CIC: variants seen among roughly 807,000 people sequenced by gnomAD.
The protein encoded by CIC is capicua transcriptional repressor.
In CIC, 18 loss-of-function variants were observed where a neutral mutation model predicts 115.7. That is an observed-to-expected ratio of 0.16 (90% CI 0.11 to 0.23). The LOEUF is 0.23. Among genes scored for constraint, CIC ranks in the 10% least tolerant of loss-of-function variants. CIC has a pLI of 1.00. For missense variants in CIC, 2,000 were observed against 2,159.3 expected (o/e 0.93, Z 1.46); for synonymous variants, 1,076 against 923.0 (o/e 1.17, Z -3.01).
intron 1 of CIC, among the ~76,000 whole-genome samples, chr19:42,269,890 A>G (rs1344231840): frequency 6.6e-6 from 1 of 152,024 alleles, no homozygotes. Flanking sequence ...TGAGACCCCA[A>G]AGAGCCAGGG....
At chr19:42,275,660 T>C (rs989985507) in intron 2 of CIC, among the ~76,000 whole-genome samples, 6 of 152,140 alleles carry the variant, frequency 3.9e-5, no homozygotes, top group Non-Finnish European at 7.3e-5. Flanking sequence ...ATTTCTTTCT[T>C]ATTTGTTTAT....
In CIC at chr19:42,273,840, C is replaced by T. The variant is rs2036869311; in HGVS notation, c.2057C>T (p.Ala686Val). 1.0e-5 allele frequency: 4 copies of T among 398,764 alleles called. No individual in the cohort carries two copies. The highest frequency in any genetic ancestry group is 1.8e-5 in the Non-Finnish European group (4 of 226,272). The allele number at this position is 398,764 out of a possible 1,614,324, so 24.7% of individuals were successfully genotyped here. The stretch of plus-strand genomic sequence containing the variant: ...CTGGGCCCCCACCCACCGCCACCTG[C>T]CCCCCGAGAGCGCCACTCCTCTGGA... Reference protein sequence around the residue: ...PDLGPHPPPPAPRERHSSGIL... With the variant: ...PDLGPHPPPPVPRERHSSGIL... The change falls in exon 2 of 21, where the codon GCC (alanine) becomes GTC (valine). Residue 686 changes from alanine (A) to valine (V), a missense_variant. Ala to Val is a moderately conservative substitution (Grantham distance 64). Around this residue, in one of 8 missense-constraint regions of CIC, gnomAD observed 222 missense variants for 247.7 expected, o/e 0.90. Transcript: ENST00000681038.
Position 42,293,000 on chromosome 19 carries a change from C to G in CIC, c.6241C>G (p.Pro2081Ala). 6.2e-7 allele frequency: 1 copy of G among 1,613,612 alleles called. No individual in the cohort carries two copies. Among genetic ancestry groups the G allele is most frequent in the Non-Finnish European group, 8.5e-7 (1 of 1,180,004 alleles). The change falls in exon 16 of 21, where the codon CCC becomes GCC. Residue 2081 changes from proline (P) to alanine (A), a missense_variant. Coordinates refer to ENST00000681038, the MANE Select transcript of CIC (RefSeq NM_001386298.1). ...YSLVAPKAQR[P>A]SPKAPQKVKA... ...CTTAGTGGCCCCCAAGGCCCAGCGG[C>G]CCAGCCCGAAGGCCCCCCAGAAAGT...
chr19:42,281,152 G>A (rs2037227684), intron 2 of CIC, among the ~76,000 whole-genome samples: 1 of 151,958 alleles, frequency 6.6e-6, no homozygotes, highest in South Asian at 2.1e-4. Context: ...GGGTGGGTGT[G>A]TATGTGGAAA....
Position 42,272,750 on chromosome 19 carries a change from C to T in CIC, c.967C>T (p.Arg323Cys), listed in dbSNP as rs1039761298. 6 of 398,752 alleles carry T rather than the reference C, an allele frequency of 1.5e-5. No individual in the cohort carries two copies. Among genetic ancestry groups the T allele is most frequent in the South Asian group, 2.5e-4 (2 of 7,872 alleles). The allele number at this position is 398,752 out of a possible 1,614,324, so 24.7% of individuals were successfully genotyped here. The change falls in exon 2 of 21, where the codon CGT becomes TGT. Residue 323 changes from arginine (R) to cysteine (C), a missense_variant. Coordinates refer to ENST00000681038, the MANE Select transcript of CIC (RefSeq NM_001386298.1). ...CCCGCAGCCCCCACAGCCACTGCAC[C>T]GTGAGCCAGAGGAGGCTGTGTGGGT... ...SLPQPPQPLHREPEEAVWVAR... is the reference protein window; with the variant it reads ...SLPQPPQPLHCEPEEAVWVAR...
chr19:42,283,691 C>T (rs2037373900), intron 2 of CIC, among the ~76,000 whole-genome samples: 2 of 152,004 alleles, frequency 1.3e-5, no homozygotes, highest in Non-Finnish European at 1.5e-5. Context: ...TGAGCGTGTT[C>T]CTCGCGCGGA....
Position 42,294,661 on chromosome 19 carries a change from C to T in CIC, c.7112C>T (p.Ser2371Phe). 3.1e-6 allele frequency: 5 copies of T among 1,613,806 alleles called. No homozygotes were observed. The highest frequency in any genetic ancestry group is 4.2e-6 in the Non-Finnish European group (5 of 1,180,002). ...ELEYDKVPYS[S>F]LRRTLDQRRA... is the part of the protein sequence containing the mutation. Reference sequence around the variant, plus strand: ...GAGTATGACAAGGTGCCATACTCCTCCCTGCGGCGCACCCTGGACCAGCGC... The same window carrying T: ...GAGTATGACAAGGTGCCATACTCCTTCCTGCGGCGCACCCTGGACCAGCGC... Residue 2371 changes from serine (S) to phenylalanine (F), a missense_variant, in exon 20 of 21, where the codon TCC (serine) becomes TTC (phenylalanine). Around this residue, in one of 8 missense-constraint regions of CIC, gnomAD observed 99 missense variants for 217.6 expected, o/e 0.45. Transcript: ENST00000681038.
intron 2 of CIC, among the ~76,000 whole-genome samples, chr19:42,277,109 T>A (rs1417826088): frequency 6.6e-6 from 1 of 152,220 alleles, no homozygotes; most frequent in Non-Finnish European, 1.5e-5. Context: ...CTGCTGAGCC[T>A]TTACTCCCTG....
At position 42,290,738 on chromosome 19, in the gene CIC, A is replaced by T. The variant is rs147311555; in HGVS notation, c.4697A>T (p.Tyr1566Phe). The T allele has an allele frequency of 6.2e-7, 1 of 1,612,492 alleles. No individual in the cohort carries two copies. Among genetic ancestry groups the T allele is most frequent in the South Asian group, 1.1e-5 (1 of 91,054 alleles). ...VPSAPAPSLAYGAPAAPLSRP... is the reference protein window; with the variant it reads ...VPSAPAPSLAFGAPAAPLSRP... ...TCCGCCCCCGCCCCATCACTGGCCT[A>T]TGGGGCCCCAGCAGCTCCCCTGTCC... The change falls in exon 11 of 21, where the codon TAT (tyrosine) becomes TTT (phenylalanine). Residue 1566 changes from tyrosine to phenylalanine, a missense_variant. Tyr to Phe is a conservative substitution (Grantham distance 22). This residue lies in a region of CIC where 1,466 missense variants were observed against 1,390.4 expected (regional missense o/e 1.05). Transcript: ENST00000681038.
rs751811567 is a variant in CIC at position 42,289,111 on chromosome 19, A to G, written c.3861+21A>G. 1.1e-5 allele frequency: 17 copies of G among 1,613,218 alleles called. No individual in the cohort carries two copies. The East Asian group carries it at 3.8e-4, about 36-fold the overall frequency. On this transcript the variant is annotated intron_variant, in intron 8 of 20. Transcript: ENST00000681038. Reference sequence around the variant, plus strand: ...CGCAGGTCTAGGGTGCAGGCCCCCTAGTGGGGGTGGGCAGGGAACCTGTCC... The same window carrying G: ...CGCAGGTCTAGGGTGCAGGCCCCCTGGTGGGGGTGGGCAGGGAACCTGTCC...
chr19:42,293,148 C>T lies in CIC; in HGVS notation c.6389C>T (p.Ser2130Phe). The T allele has an allele frequency of 6.2e-7, 1 of 1,607,354 alleles. No homozygotes were observed. Reference sequence around the variant, plus strand: ...GTCCGAGAGCCAACTGCCCCAGAGTCTGAGCTTGAGGGGCAGCCCACACCA... The same window carrying T: ...GTCCGAGAGCCAACTGCCCCAGAGTTTGAGCTTGAGGGGCAGCCCACACCA... ...GPVREPTAPE[S>F]ELEGQPTPPA... The change falls in exon 16 of 21, where the codon TCT becomes TTT. Residue 2130 changes from serine (S) to phenylalanine (F), a missense_variant. Ser to Phe is a radical substitution (Grantham distance 155, BLOSUM62 -2). Transcript: ENST00000681038.
intron 2 of CIC, among the ~76,000 whole-genome samples, chr19:42,277,334 A>C (rs1453322752): frequency 6.6e-6 from 1 of 152,094 alleles, no homozygotes; most frequent in Admixed American, 6.5e-5. Flanking sequence ...GGTTCAAGCG[A>C]TTCTCCCGCC....
At position 42,291,741 on chromosome 19, in the gene CIC, G is replaced by C. The variant is rs1379214643; in HGVS notation, c.5609G>C (p.Ser1870Thr). Reference protein sequence around the residue: ...VPVQNGAQPPSKIIQLTPVPV... With the variant: ...VPVQNGAQPPTKIIQLTPVPV... ...GTGCAGAATGGTGCCCAGCCCCCCA[G>C]CAAGGTGAGGGCCTGCCTTTCTCTC... Residue 1870 changes from serine (S) to threonine (T), a missense_variant, in exon 12 of 21, where the codon AGC becomes ACC. Around this residue, in one of 8 missense-constraint regions of CIC, gnomAD observed 1,466 missense variants for 1,390.4 expected, o/e 1.05. Transcript: ENST00000681038. The C allele has an allele frequency of 6.2e-7, 1 of 1,612,998 alleles. No homozygotes were observed. Among genetic ancestry groups the C allele is most frequent in the Middle Eastern group, 1.6e-4 (1 of 6,062 alleles).
chr19:42,281,504 G>T (rs1481783565), intron 2 of CIC, among the ~76,000 whole-genome samples: 1 of 152,198 alleles, frequency 6.6e-6, no homozygotes, highest in East Asian at 1.9e-4. Context: ...GTTGGTGCAG[G>T]GGGTGGCTGC....
intron 2 of CIC, among the ~76,000 whole-genome samples, chr19:42,278,226 G>T (rs1387967505): frequency 6.6e-6 from 1 of 152,246 alleles, no homozygotes; most frequent in Non-Finnish European, 1.5e-5. Flanking sequence ...CCCAGGAGAG[G>T]ATCCCGCCCC....
In CIC at chr19:42,290,382, G is replaced by T. The variant is rs114703123; in HGVS notation, c.4341G>T (p.Ser1447=). The stretch of plus-strand genomic sequence containing the variant: ...CCGCCCCATCCTCCTCTGCGTCCTC[G>T]CCTGCTTCCTCCTCAGCCTCGGCAG... The part of the protein sequence containing the change: ...YGSAPSSSAS[S]PASSSASAAT... The change falls in exon 11 of 21, where the codon TCG becomes TCT. Residue 1447 remains serine, a synonymous_variant. Transcript: ENST00000681038. The T allele has an allele frequency of 6.2e-7, 1 of 1,613,952 alleles. No homozygotes were observed. The highest frequency in any genetic ancestry group is 1.1e-5 in the South Asian group (1 of 91,088).
chr19:42,290,716 G>T lies in CIC; in HGVS notation c.4675G>T (p.Ala1559Ser). 1 of 1,612,282 alleles carries T rather than the reference G, an allele frequency of 6.2e-7. No individual in the cohort carries two copies. Among genetic ancestry groups the T allele is most frequent in the East Asian group, 2.2e-5 (1 of 44,848 alleles). ...QEGGGARVPS[A>S]PAPSLAYGAP... ...GGGCGGCGGAGCCAGAGTGCCCTCC[G>T]CCCCCGCCCCATCACTGGCCTATGG... The change falls in exon 11 of 21, where the codon GCC becomes TCC. Residue 1559 changes from alanine (A) to serine (S), a missense_variant. Transcript: ENST00000681038.
At chr19:42,279,941 CCTGGCGG>C (rs199799456) in intron 2 of CIC, 1,680 of 153,526 alleles carry the variant, frequency 0.011, 10 homozygotes, top group Non-Finnish European at 0.018. Context: ...CAGGCTGCCT[CCTGGCGG>C]CAGGCGGCGG....
rs556162039 is a variant in CIC at position 42,270,232 on chromosome 19, G to A, written c.-11+851G>A. Among the ~76,000 whole-genome samples the A allele has an allele frequency of 2.2e-3, 334 of 152,286 alleles. 1 individual carries two copies. Among genetic ancestry groups the A allele is most frequent in the African/African-American group, 7.6e-3 (317 of 41,548 alleles). ...TTCTGGGCATTTGGGTGCCAGCCCC[G>A]GGACGCCCTCCAGGCTCTGCCTGTG... On this transcript the variant is annotated intron_variant, in intron 1 of 20. Coordinates refer to ENST00000681038, the MANE Select transcript of CIC (RefSeq NM_001386298.1). The surrounding 1 kb of genome is among the most constrained non-coding windows in gnomAD (Gnocchi z 4.1).
Sources: allele counts gnomAD v4.1 joint callset (sites outside exome capture counted in the v4.1 genomes callset), GRCh38; gene constraint gnomAD v4.1.1; regional missense constraint gnomAD v4.1.1; non-coding constraint Gnocchi (gnomAD v3.1); transcripts MANE v1.5; gene names NCBI Gene and HGNC (gene_info 2026-07-23, HGNC 2026-07-21).